Variants in CFAP44 observed in about 807,000 individuals in gnomAD.
CFAP44 encodes the protein cilia- and flagella-associated protein 44.
Under a neutral mutation model 216.2 loss-of-function variants are expected in CFAP44, and 134 were observed. That is an observed-to-expected ratio of 0.62 (90% CI 0.54 to 0.72). The LOEUF is 0.72. Among genes scored for constraint, CFAP44 ranks in the 30% least tolerant of loss-of-function variants. CFAP44 has a pLI of 0.00. For missense variants in CFAP44, 2,035 were observed against 2,182.1 expected (o/e 0.93, Z 1.34); for synonymous variants, 700 against 727.6 (o/e 0.96, Z 0.61).
intron 28 of CFAP44, among the ~76,000 whole-genome samples, chr3:113,313,365 G>A (rs1209771831): frequency 6.6e-6 from 1 of 152,138 alleles, no homozygotes; most frequent in South Asian, 2.1e-4. Flanking sequence ...TATGTAGGAA[G>A]TAACTAGCTT....
intron 9 of CFAP44, 72 bp from the exon 10 acceptor site, chr3:113,401,811 C>A: frequency 1.4e-6 from 2 of 1,465,470 alleles, no homozygotes; most frequent in Non-Finnish European, 1.8e-6. Flanking sequence ...GCCAGAAAAA[C>A]CCTGATTTTT....
chr3:113,382,462 T>C (rs1044713763), intron 15 of CFAP44, among the ~76,000 whole-genome samples: 1 of 152,248 alleles, frequency 6.6e-6, no homozygotes, highest in African/African-American at 2.4e-5. Context: ...AATCTGAGAA[T>C]AGTCAATCCT....
chr3:113,370,695 T>G (rs7630384), intron 18 of CFAP44, among the ~76,000 whole-genome samples: 1 of 152,174 alleles, frequency 6.6e-6, no homozygotes, highest in Non-Finnish European at 1.5e-5. Flanking sequence ...TCTCTCACCA[T>G]GCCTATTCAA....
intron 6 of CFAP44, among the ~76,000 whole-genome samples, chr3:113,412,561 C>A (rs145229009): frequency 0.025 from 3,823 of 152,158 alleles, 61 homozygotes; most frequent in East Asian, 0.052. Context: ...GTGTGTTGTT[C>A]CCCTCTCTGT....
chr3:113,421,654 C>T (rs1002403915), intron 4 of CFAP44, among the ~76,000 whole-genome samples: 1 of 152,164 alleles, frequency 6.6e-6, no homozygotes, highest in Non-Finnish European at 1.5e-5. Context: ...TACTATACAG[C>T]CGTGAAAAGA....
chr3:113,385,916 T>C (rs960599661), intron 15 of CFAP44, among the ~76,000 whole-genome samples: 1 of 152,110 alleles, frequency 6.6e-6, no homozygotes, highest in African/African-American at 2.4e-5. Context: ...AGTGCTGAGA[T>C]TATAGGCATG....
At chr3:113,296,357 T>C (rs1029734912) in intron 33 of CFAP44, among the ~76,000 whole-genome samples, 9 of 152,240 alleles carry the variant, frequency 5.9e-5, no homozygotes, top group African/African-American at 2.2e-4. Flanking sequence ...GGTTTTAATT[T>C]GCATTTCTCC....
chr3:113,335,729 T>C (rs915216204), intron 24 of CFAP44, among the ~76,000 whole-genome samples: 2 of 152,158 alleles, frequency 1.3e-5, no homozygotes, highest in Admixed American at 6.5e-5. Flanking sequence ...ACATTATCAA[T>C]CCTCTTGTCC....
At chr3:113,345,730 T>A (rs1230573886) in intron 22 of CFAP44, among the ~76,000 whole-genome samples, 1 of 152,182 alleles carries the variant, frequency 6.6e-6, no homozygotes, top group African/African-American at 2.4e-5. Context: ...GCCTTGTTAT[T>A]TGGGGGCATT....
rs1341619614 is a variant in CFAP44, at chr3:113,366,255, A to T, written c.2499T>A (p.Tyr833Ter). Residue 833 changes from tyrosine to a stop codon, truncating the protein, a stop_gained, in exon 19 of 35, where the codon TAT becomes TAA. Coordinates refer to ENST00000393845, the MANE Select transcript of CFAP44 (RefSeq NM_001164496.2). LOFTEE classifies it high-confidence loss of function. ...CGMKNGAIRV[Y>*]VLNQNDPSLT... is the part of the protein sequence containing the mutation. ...ATGAAGGATCATTTTGATTTAGGAC[A>T]TAGACTCGAATTGCTCCATTTTTCA... The T allele has an allele frequency of 1.2e-6, 2 of 1,612,386 alleles. No individual in the cohort carries two copies. Among genetic ancestry groups the T allele is most frequent in the Non-Finnish European group, 1.7e-6 (2 of 1,178,868 alleles).
intron 1 of CFAP44, among the ~76,000 whole-genome samples, chr3:113,440,464 C>T (rs1354783602): frequency 6.6e-6 from 1 of 152,174 alleles, no homozygotes; most frequent in African/African-American, 2.4e-5. Context: ...GTTCCTCTCA[C>T]CCAATTCATG....
At chr3:113,351,235 G>A (rs1950442276) in intron 22 of CFAP44, among the ~76,000 whole-genome samples, 1 of 152,148 alleles carries the variant, frequency 6.6e-6, no homozygotes, top group Non-Finnish European at 1.5e-5. Flanking sequence ...AACTTACAAG[G>A]TTTTCAACAA....
At chr3:113,329,422 T>C (rs1300197912) in intron 26 of CFAP44, among the ~76,000 whole-genome samples, 1 of 151,504 alleles carries the variant, frequency 6.6e-6, no homozygotes, top group Admixed American at 6.6e-5. Flanking sequence ...GAGGAAAAGG[T>C]GGAGTGGAGA....
chr3:113,354,010 T>C lies in CFAP44; in HGVS notation c.3065+4735A>G, dbSNP rs545987274. Among the ~76,000 whole-genome samples, 170 of 151,820 alleles carry C rather than the reference T, an allele frequency of 1.1e-3. 1 individual carries two copies. Among genetic ancestry groups the C allele is most frequent in the African/African-American group, 3.1e-3 (128 of 41,360 alleles). On this transcript the variant is annotated intron_variant, in intron 22 of 34. Transcript: ENST00000393845. ...TATTCTGCTCAGAAGAGTGTTGTCT[T>C]AGTAGCTGGAAAAAAATTAGCCCTA...
At chr3:113,386,233 G>A (rs1184842087) in intron 15 of CFAP44, among the ~76,000 whole-genome samples, 1 of 152,072 alleles carries the variant, frequency 6.6e-6, no homozygotes, top group Non-Finnish European at 1.5e-5. Flanking sequence ...CTCATGTTTG[G>A]TTACCATTTG....
At chr3:113,424,530 G>A (rs190649334) in intron 4 of CFAP44, among the ~76,000 whole-genome samples, 3 of 152,282 alleles carry the variant, frequency 2.0e-5, no homozygotes, top group East Asian at 3.9e-4. Flanking sequence ...AGAGTACTTA[G>A]GGAATACCTG....
chr3:113,343,282 C>T (rs1296429095), intron 23 of CFAP44, among the ~76,000 whole-genome samples: 5 of 151,866 alleles, frequency 3.3e-5, no homozygotes, highest in South Asian at 4.2e-4. Flanking sequence ...AGGCTGGCCT[C>T]GGACTCCTGA....
intron 6 of CFAP44, among the ~76,000 whole-genome samples, chr3:113,413,722 T>C (rs1310407136): frequency 6.6e-6 from 1 of 152,186 alleles, no homozygotes; most frequent in African/African-American, 2.4e-5. Flanking sequence ...GGTCTATATG[T>C]CTGTTTTGGT....
At chr3:113,311,779 T>C (rs1014094251) in intron 28 of CFAP44, among the ~76,000 whole-genome samples, 1 of 152,164 alleles carries the variant, frequency 6.6e-6, no homozygotes, top group African/African-American at 2.4e-5. Context: ...TAAAGATTTG[T>C]TGAATGACTT....
Sources: gnomAD v4.1 joint callset for allele counts (sites outside exome capture counted in the v4.1 genomes callset) on GRCh38, gnomAD v4.1.1 for gene constraint, MANE v1.5 for transcripts, NCBI Gene and HGNC (gene_info 2026-07-23, HGNC 2026-07-21) for gene names.